Variants in FAM107A observed in about 807,000 individuals in gnomAD.
The protein encoded by FAM107A is family with sequence similarity 107 member A.
FAM107A carries 19 observed loss-of-function variants against 13.7 expected under a neutral mutation model. That is an observed-to-expected ratio of 1.38 (90% confidence interval 0.97 to 2.03). The LOEUF (loss-of-function observed/expected upper bound fraction) is 2.03, where lower values mean the gene tolerates loss of function less well. Among genes scored for constraint, FAM107A ranks in the 30% most tolerant of loss-of-function variants. The pLI is 0.00. For synonymous variants in FAM107A, 82 were observed against 74.5 expected (o/e 1.10, Z -0.52); for missense variants, 203 against 184.4 (o/e 1.10, Z -0.58).
intron 1 of FAM107A, among the ~76,000 whole-genome samples, chr3:58,584,012 C>A (rs2108059738): frequency 6.6e-6 from 1 of 152,242 alleles, no homozygotes; most frequent in East Asian, 1.9e-4. Context: ...CTGTAATGTC[C>A]TCCTTGGGGG....
intron 1 of FAM107A, among the ~76,000 whole-genome samples, chr3:58,584,504 G>C (rs1472400575): frequency 1.3e-5 from 2 of 152,162 alleles, no homozygotes; most frequent in Admixed American, 6.5e-5. Context: ...CTACCTCTTT[G>C]TGGGGTAGAA....
intron 1 of FAM107A, among the ~76,000 whole-genome samples, chr3:58,609,666 A>T (rs900872): frequency 6.6e-6 from 1 of 151,980 alleles, no homozygotes; most frequent in Non-Finnish European, 1.5e-5. Flanking sequence ...GTTTTTCAAG[A>T]CCTCTGGCAA....
intron 1 of FAM107A, among the ~76,000 whole-genome samples, chr3:58,611,908 G>A (rs755551313): frequency 3.3e-5 from 5 of 152,184 alleles, no homozygotes; most frequent in Non-Finnish European, 5.9e-5. Context: ...TTGCCAAACT[G>A]CTCTGGGTGA....
chr3:58,623,510 C>T (rs986353918), intron 1 of FAM107A, among the ~76,000 whole-genome samples: 2 of 152,168 alleles, frequency 1.3e-5, no homozygotes, highest in East Asian at 1.9e-4. Flanking sequence ...GTGCTGGGCA[C>T]CTCGCCCCAG....
chr3:58,587,379 A>C (rs2065619128), upstream of FAM107A, among the ~76,000 whole-genome samples: 1 of 152,186 alleles, frequency 6.6e-6, no homozygotes, highest in Non-Finnish European at 1.5e-5. Flanking sequence ...CCCACGATTT[A>C]GTTACCTAAC....
At chr3:58,583,970 T>C (rs2108059694) in intron 1 of FAM107A, among the ~76,000 whole-genome samples, 1 of 152,330 alleles carries the variant, frequency 6.6e-6, no homozygotes, top group Middle Eastern at 3.4e-3. Flanking sequence ...AGGCTACTGT[T>C]AATGAAAAGA....
chr3:58,616,533 AC>A (rs2065902524), intron 1 of FAM107A, among the ~76,000 whole-genome samples: 1 of 113,882 alleles, frequency 8.8e-6, no homozygotes, highest in Admixed American at 8.4e-5. Flanking sequence ...GAGAACACAC[AC>A]ACACACACAC....
At chr3:58,577,836 C>T (rs2063743397), upstream of FAM107A, 3 of 462,252 alleles carry the variant, frequency 6.5e-6, no homozygotes, top group Non-Finnish European at 8.5e-6. This position sits in a 1 kb window ranked among gnomAD's most constrained non-coding sequence, Gnocchi z 4.9. Context: ...GGAAACTGCT[C>T]AGCATTGGGT....
chr3:58,579,365 G>A (rs890379998), upstream of FAM107A, among the ~76,000 whole-genome samples: 3 of 152,152 alleles, frequency 2.0e-5, no homozygotes, highest in Non-Finnish European at 4.4e-5. Flanking sequence ...CTTAAACTAA[G>A]AGGGTCCTAA....
chr3:58,587,519 G>GT (rs2065621284), upstream of FAM107A, among the ~76,000 whole-genome samples: 1 of 143,362 alleles, frequency 7.0e-6, no homozygotes, highest in Non-Finnish European at 1.5e-5. Flanking sequence ...GTGTGTGTGT[G>GT]GCCCAGAACA....
At chr3:58,606,215 C>G (rs12491636) in intron 1 of FAM107A, among the ~76,000 whole-genome samples, 29,138 of 152,162 alleles carry the variant, frequency 0.19, 3,463 homozygotes, top group East Asian at 0.46. Context: ...CCTGCCTCAG[C>G]CTCCCAAGTA....
chr3:58,595,147 C>G (rs2065687107), intron 1 of FAM107A, among the ~76,000 whole-genome samples: 1 of 152,048 alleles, frequency 6.6e-6, no homozygotes, highest in Non-Finnish European at 1.5e-5. Flanking sequence ...CCCAGTCCCA[C>G]TCGAAGCAGC....
chr3:58,585,791 C>G (rs1174007254), intron 1 of FAM107A, among the ~76,000 whole-genome samples: 10 of 152,360 alleles, frequency 6.6e-5, no homozygotes, highest in African/African-American at 2.4e-4. Context: ...ACCCCAAATG[C>G]TTACCGGGGC....
chr3:58,622,744 C>G (rs1324149748), intron 1 of FAM107A, among the ~76,000 whole-genome samples: 1 of 152,074 alleles, frequency 6.6e-6, no homozygotes, highest in African/African-American at 2.4e-5. Flanking sequence ...GAGACCAGGG[C>G]CCAGTGGGGA....
At chr3:58,596,938 T>C (rs2065712393) in intron 1 of FAM107A, among the ~76,000 whole-genome samples, 1 of 152,204 alleles carries the variant, frequency 6.6e-6, no homozygotes, top group Non-Finnish European at 1.5e-5. Context: ...TTCACATCAA[T>C]GGAATAATAA....
intron 1 of FAM107A, among the ~76,000 whole-genome samples, chr3:58,602,797 C>G (rs2065763727): frequency 6.6e-6 from 1 of 152,160 alleles, no homozygotes; most frequent in Non-Finnish European, 1.5e-5. Context: ...TTACTTATAT[C>G]AATTAAAGTA....
chr3:58,627,271 C>T (rs1156542592), intron 1 of FAM107A: 1 of 472,532 alleles, frequency 2.1e-6, no homozygotes. Flanking sequence ...CCTCACCTCC[C>T]AGAACCCTGC....
chr3:58,587,182 A>C (rs2065617123), upstream of FAM107A: 2 of 1,191,698 alleles, frequency 1.7e-6, no homozygotes, highest in Non-Finnish European at 1.1e-6. Context: ...GAACGTCTGC[A>C]GTGAGGACTC....
At chr3:58,622,079 T>A (rs1280343297) in intron 1 of FAM107A, among the ~76,000 whole-genome samples, 1 of 151,978 alleles carries the variant, frequency 6.6e-6, no homozygotes, top group Non-Finnish European at 1.5e-5. Flanking sequence ...CAGCTTTGAG[T>A]GGTTCCCACC....
Sources: allele counts gnomAD v4.1 joint callset (sites outside exome capture counted in the v4.1 genomes callset), GRCh38; gene constraint gnomAD v4.1.1; non-coding constraint Gnocchi (gnomAD v3.1); transcripts MANE v1.5; gene names NCBI Gene and HGNC (gene_info 2026-07-23, HGNC 2026-07-21).